The following UVRAG variants were observed in gnomAD, a reference collection of about 807,000 sequenced individuals.
UVRAG encodes the protein UV radiation resistance-associated gene protein.
UVRAG carries 19 observed loss-of-function variants against 78.0 expected under a neutral mutation model. That is an observed-to-expected ratio of 0.24 (90% CI 0.17 to 0.36). The LOEUF (loss-of-function observed/expected upper bound fraction) is 0.36, where lower values mean the gene tolerates loss of function less well. Ranked by LOEUF, UVRAG falls within the 10% of genes least tolerant of loss-of-function variation. UVRAG has a pLI of 1.00. For missense variants in UVRAG, 740 were observed against 853.8 expected (o/e 0.87, Z 1.66); for synonymous variants, 323 against 324.6 (o/e 1.00, Z 0.05).
intron 13 of UVRAG, among the ~76,000 whole-genome samples, chr11:76,070,521 G>A (rs1951282672): frequency 6.6e-6 from 1 of 152,102 alleles, no homozygotes; most frequent in Non-Finnish European, 1.5e-5. Context: ...CTATGTATAT[G>A]TATATCAAAA....
At chr11:76,096,921 G>C (rs1461364894) in intron 13 of UVRAG, among the ~76,000 whole-genome samples, 2 of 152,114 alleles carry the variant, frequency 1.3e-5, no homozygotes, top group Non-Finnish European at 2.9e-5. Context: ...CGCCCAAACT[G>C]AGGCCTCCAG....
At chr11:75,880,143 A>C in intron 4 of UVRAG, 103 bp downstream of exon 4, 1 of 1,337,682 alleles carries the variant, frequency 7.5e-7, no homozygotes, top group Non-Finnish European at 1.0e-6. Context: ...ATAAAGAGAG[A>C]CTTTTATGAC....
chr11:76,093,090 G>A (rs1052861568), intron 13 of UVRAG, among the ~76,000 whole-genome samples: 1 of 152,190 alleles, frequency 6.6e-6, no homozygotes, highest in African/African-American at 2.4e-5. Flanking sequence ...TACTAAATAG[G>A]GAATCCTTTC....
chr11:75,979,392 C>G (rs1949338376), intron 7 of UVRAG: 1 of 152,384 alleles, frequency 6.6e-6, no homozygotes, highest in Non-Finnish European at 1.5e-5. Context: ...AACCACTACT[C>G]TCTTCAAAGC....
At chr11:75,998,283 C>T (rs1943882940) in intron 8 of UVRAG, among the ~76,000 whole-genome samples, 1 of 152,132 alleles carries the variant, frequency 6.6e-6, no homozygotes, top group South Asian at 2.1e-4. Flanking sequence ...ACTAATCAGT[C>T]TAATCACTTA....
chr11:76,125,766 G>A (rs1952375859), intron 14 of UVRAG, among the ~76,000 whole-genome samples: 1 of 152,014 alleles, frequency 6.6e-6, no homozygotes, highest in Non-Finnish European at 1.5e-5. Flanking sequence ...ATAAAATTTG[G>A]AAGTTGTAAA....
intron 13 of UVRAG, among the ~76,000 whole-genome samples, chr11:76,076,517 G>A (rs1219369129): frequency 1.3e-5 from 2 of 152,118 alleles, no homozygotes; most frequent in Non-Finnish European, 2.9e-5. Context: ...CTCCCACTGG[G>A]TCCCTCCCAT....
intron 4 of UVRAG, among the ~76,000 whole-genome samples, chr11:75,882,560 C>G (rs968697596): frequency 6.6e-6 from 1 of 151,638 alleles, no homozygotes; most frequent in Non-Finnish European, 1.5e-5. Flanking sequence ...AACTAAAAAT[C>G]TCTGTGCTCA....
chr11:76,144,059 C>T lies in UVRAG; in HGVS notation c.*2646C>T, dbSNP rs534146379. ...AGAATATTAGTTTTGGAAGATTGTG[C>T]CCAGCTATATATTTTTTAGCAGTTC... On this transcript the variant is annotated 3_prime_UTR_variant, in exon 15 of 15. Coordinates refer to ENST00000356136, the MANE Select transcript of UVRAG (RefSeq NM_003369.4). Among the ~76,000 whole-genome samples the T allele has an allele frequency of 3.3e-5, 5 of 152,188 alleles. No individual in the cohort carries two copies. The East Asian group carries it at 9.6e-4, about 29-fold the overall frequency.
intron 12 of UVRAG, among the ~76,000 whole-genome samples, chr11:76,021,230 G>T (rs1950241227): frequency 6.6e-6 from 1 of 152,180 alleles, no homozygotes; most frequent in African/African-American, 2.4e-5. Flanking sequence ...TTTTTTGTGT[G>T]TGTAGATGGT....
At chr11:75,887,573 G>T (rs1003127535) in intron 4 of UVRAG, among the ~76,000 whole-genome samples, 13 of 150,904 alleles carry the variant, frequency 8.6e-5, no homozygotes, top group Non-Finnish European at 1.8e-4. Flanking sequence ...TCAGCCTCCC[G>T]AGTAGCTGGG....
At chr11:75,948,914 T>G (rs951383431) in intron 6 of UVRAG, among the ~76,000 whole-genome samples, 2 of 152,148 alleles carry the variant, frequency 1.3e-5, no homozygotes, top group Non-Finnish European at 2.9e-5. Context: ...TCTAAGGAAA[T>G]ATAATTTTAG....
At chr11:76,053,625 C>A (rs189398914) in intron 12 of UVRAG, among the ~76,000 whole-genome samples, 72 of 152,298 alleles carry the variant, frequency 4.7e-4, no homozygotes, top group Admixed American at 4.7e-3. Context: ...TTATTTACCA[C>A]ACTGTAGCCA....
chr11:75,997,086 A>C (rs1039064395), intron 8 of UVRAG, among the ~76,000 whole-genome samples: 1 of 152,240 alleles, frequency 6.6e-6, no homozygotes, highest in African/African-American at 2.4e-5. Flanking sequence ...TAATTTTGCA[A>C]AAGTTACAGC....
chr11:76,080,975 C>T (rs139351264), intron 13 of UVRAG, among the ~76,000 whole-genome samples: 143 of 152,280 alleles, frequency 9.4e-4, no homozygotes, highest in African/African-American at 3.3e-3. Context: ...TCACAAATTC[C>T]GTTGTAAAAC....
intron 13 of UVRAG, among the ~76,000 whole-genome samples, chr11:76,100,461 C>G (rs1396012704): frequency 6.6e-6 from 1 of 152,082 alleles, no homozygotes; most frequent in Non-Finnish European, 1.5e-5. Context: ...TAAATATTAC[C>G]TGTCCATCAG....
intron 4 of UVRAG, among the ~76,000 whole-genome samples, chr11:75,887,821 T>C (rs1465469740): frequency 6.6e-6 from 1 of 152,000 alleles, no homozygotes; most frequent in Non-Finnish European, 1.5e-5. Context: ...TCACCTCAAG[T>C]GATCCGCCCG....
rs79600587 is a variant in UVRAG, at chr11:76,057,889, A to G, written c.1227-7821A>G. On this transcript the variant is annotated intron_variant, in intron 12 of 14. Transcript: ENST00000356136. ...AGCTTGCATGCTGCTGGCATTTTAC[A>G]TTAACATTTTTTTCACAGGTTTTTG... Among the ~76,000 whole-genome samples the G allele has an allele frequency of 3.5e-3, 536 of 152,270 alleles. 3 individuals are homozygous for G. The highest frequency in any genetic ancestry group is 0.012 in the African/African-American group (509 of 41,548).
chr11:75,835,815 CG>C (rs1945762483), intron 1 of UVRAG, among the ~76,000 whole-genome samples: 1 of 151,978 alleles, frequency 6.6e-6, no homozygotes. Context: ...ACAAATAGGC[CG>C]GGCATGGTGG....
Sources: gnomAD v4.1 joint callset for allele counts (sites outside exome capture counted in the v4.1 genomes callset) on GRCh38, gnomAD v4.1.1 for gene constraint, MANE v1.5 for transcripts, NCBI Gene and HGNC (gene_info 2026-07-23, HGNC 2026-07-21) for gene names.